Variants in CSE1L observed in about 807,000 individuals in gnomAD.
The protein encoded by CSE1L is exportin-2.
A neutral mutation model predicts 120.4 loss-of-function variants in CSE1L; 24 were observed. The observed-to-expected ratio is 0.20, with a 90% CI of 0.14 to 0.28. CSE1L has a LOEUF of 0.28. Ranked by LOEUF, CSE1L falls within the 10% of genes least tolerant of loss-of-function variation. CSE1L has a pLI of 1.00. For missense variants in CSE1L, 830 were observed against 1,145.2 expected (o/e 0.72, Z 3.97); for synonymous variants, 402 against 398.3 (o/e 1.01, Z -0.11).
At position 49,063,214 on chromosome 20, in the gene CSE1L, T is replaced by A; in HGVS notation, c.98T>A (p.Leu33His). Reference sequence around the variant, plus strand: ...AATTCTTTTACAGCTGAGAAATTTCTTGAATCTGTTGAAGGAAATCAGAAT... The same window carrying A: ...AATTCTTTTACAGCTGAGAAATTTCATGAATCTGTTGAAGGAAATCAGAAT... ...PAIRRPAEKF[L>H]ESVEGNQNYP... Residue 33 changes from leucine (L) to histidine (H), a missense_variant, in exon 3 of 25, where the codon CTT becomes CAT. By Grantham distance (99) the Leu-to-His change is moderately conservative. This residue lies in a region of CSE1L where 543 missense variants were observed against 640.2 expected (regional missense o/e 0.85). Transcript: ENST00000262982. The A allele has an allele frequency of 6.3e-7, 1 of 1,577,182 alleles. No individual in the cohort carries two copies. The highest frequency in any genetic ancestry group is 8.6e-7 in the Non-Finnish European group (1 of 1,168,356).
At chr20:49,095,897 A>T (rs561300899) in intron 24 of CSE1L, among the ~76,000 whole-genome samples, 1 of 152,182 alleles carries the variant, frequency 6.6e-6, no homozygotes, top group Non-Finnish European at 1.5e-5. Context: ...GTGTATATAT[A>T]TGTATATATA....
chr20:49,075,933 G>A (rs1026358348), intron 12 of CSE1L, among the ~76,000 whole-genome samples: 2 of 152,060 alleles, frequency 1.3e-5, no homozygotes, highest in African/African-American at 4.8e-5. Flanking sequence ...CCGAGTTCGA[G>A]CGACTCTCCT....
rs1256347776 is a variant in CSE1L at position 49,089,608 on chromosome 20, C to A, written c.2043C>A (p.Ser681=). 38 of 1,613,984 alleles carry A rather than the reference C, an allele frequency of 2.4e-5. No homozygotes were observed. The highest frequency in any genetic ancestry group is 3.2e-5 in the Non-Finnish European group (38 of 1,180,014). ...CACACAAAAATGACATCCCGTCTTC[C>A]TATATGGCCTTATTTCCTCATCTCC... ...LETHKNDIPS[S]YMALFPHLLQ... The change falls in exon 19 of 25, where the codon TCC becomes TCA. Residue 681 remains serine, a synonymous_variant. Transcript: ENST00000262982.
At chr20:49,087,791 A>G (rs758718552) in intron 16 of CSE1L, among the ~76,000 whole-genome samples, 71 of 152,104 alleles carry the variant, frequency 4.7e-4, no homozygotes, top group Non-Finnish European at 9.0e-4. Flanking sequence ...CCTTCTAGAA[A>G]TACTCAGTAT....
intron 24 of CSE1L, among the ~76,000 whole-genome samples, chr20:49,095,644 T>A (rs1439951512): frequency 6.6e-6 from 1 of 151,980 alleles, no homozygotes; most frequent in African/African-American, 2.4e-5. Flanking sequence ...ACTCAGAAAT[T>A]AATAGATCAT....
In CSE1L at chr20:49,056,003, AT is replaced by A. The variant is rs570188552; in HGVS notation, c.-11-2447del. Among the ~76,000 whole-genome samples the A allele has an allele frequency of 2.0e-3, 303 of 151,846 alleles. 1 individual carries two copies. The highest frequency in any genetic ancestry group is 7.0e-3 in the African/African-American group (288 of 41,438). ...TCTTTTTCATAGAAGCCTCTGGTTA[AT>A]TTGGTGCATGATTTCCCTGAAAGGG... On this transcript the variant is annotated intron_variant, in intron 1 of 24. Coordinates refer to ENST00000262982, the MANE Select transcript of CSE1L (RefSeq NM_001316.4).
chr20:49,066,570 A>T, intron 5 of CSE1L, 60 bp downstream of exon 5: 1 of 1,462,604 alleles, frequency 6.8e-7, no homozygotes, highest in Non-Finnish European at 9.3e-7. Flanking sequence ...TGCTTGTGTA[A>T]ACAGTTGTGT....
Position 49,096,373 on chromosome 20 carries a change from C to T in CSE1L, c.2851C>T (p.Leu951=). 1 of 1,614,086 alleles carries T rather than the reference C, an allele frequency of 6.2e-7. No individual in the cohort carries two copies. The highest frequency in any genetic ancestry group is 1.7e-5 in the Admixed American group (1 of 60,022). The change falls in exon 25 of 25, where the codon CTG becomes TTG. Residue 951 remains leucine (L), a synonymous_variant. Transcript: ENST00000262982. ...GRVPSMVSTS[L]NAEALQYLQG... is the part of the protein sequence containing the mutation. ...GGTTCCATCAATGGTGAGCACCAGC[C>T]TGAATGCAGAAGCGCTCCAGTATCT...
At chr20:49,059,893 T>C (rs2091838628) in intron 2 of CSE1L, among the ~76,000 whole-genome samples, 1 of 149,910 alleles carries the variant, frequency 6.7e-6, no homozygotes, top group South Asian at 2.1e-4. Context: ...AAAAAAAATA[T>C]TTTGAAACAC....
chr20:49,067,843 C>G (rs1016384563), intron 6 of CSE1L, among the ~76,000 whole-genome samples: 4 of 151,382 alleles, frequency 2.6e-5, no homozygotes, highest in Admixed American at 1.3e-4. Flanking sequence ...TCAGGTGATT[C>G]TCCCACCTCA....
At chr20:49,072,529 TG>T in intron 9 of CSE1L, 38 bp from the exon 10 acceptor site, 1 of 1,603,384 alleles carries the variant, frequency 6.2e-7, no homozygotes, top group South Asian at 1.1e-5. Flanking sequence ...TGTTGAGTTT[TG>T]CTTTTAAAAA....
chr20:49,075,591 A>C (rs2123717422), intron 12 of CSE1L, 71 bp downstream of exon 12: 2 of 1,184,438 alleles, frequency 1.7e-6, no homozygotes, highest in Non-Finnish European at 1.2e-6. Context: ...AAAAAGAAAT[A>C]ACGTCTCTGA....
intron 8 of CSE1L, among the ~76,000 whole-genome samples, chr20:49,070,890 T>C (rs1861450610): frequency 6.6e-6 from 1 of 152,222 alleles, no homozygotes; most frequent in Non-Finnish European, 1.5e-5. Flanking sequence ...TGCAATGAGC[T>C]GTGACCATGC....
intron 11 of CSE1L, 143 bp downstream of exon 11, chr20:49,074,993 A>G (rs2091959463): frequency 4.8e-6 from 3 of 626,770 alleles, no homozygotes; most frequent in South Asian, 2.3e-5. Context: ...TCTTTCTTCA[A>G]CTTGTCTTAA....
intron 21 of CSE1L, among the ~76,000 whole-genome samples, chr20:49,091,503 G>A (rs1201609527): frequency 2.0e-5 from 3 of 151,940 alleles, no homozygotes; most frequent in Non-Finnish European, 1.5e-5. Flanking sequence ...GGAGGTGAAA[G>A]TGGGAGTATT....
At chr20:49,094,395 C>T in intron 23 of CSE1L, 109 bp downstream of exon 23, 2 of 1,027,194 alleles carry the variant, frequency 1.9e-6, no homozygotes, top group East Asian at 2.4e-5. Flanking sequence ...GGTCTGATCT[C>T]AGCTTCTCCA....
Position 49,084,086 on chromosome 20 carries a change from A to C in CSE1L, c.1543A>C (p.Ser515Arg). Residue 515 changes from serine to arginine, a missense_variant, in exon 15 of 25, where the codon AGT (serine) becomes CGT (arginine). Transcript: ENST00000262982. Reference protein sequence around the residue: ...PLLINHLQAESIVVHTYAAHA... With the variant: ...PLLINHLQAERIVVHTYAAHA... The stretch of plus-strand genomic sequence containing the variant: ...CTTGATTAATCATCTTCAAGCTGAA[A>C]GTATTGTTGTTCATACTTACGCAGC... 6.2e-7 allele frequency: 1 copy of C among 1,614,082 alleles called. No individual in the cohort carries two copies. The highest frequency in any genetic ancestry group is 8.5e-7 in the Non-Finnish European group (1 of 1,179,966).
chr20:49,075,590 T>G, intron 12 of CSE1L, 70 bp downstream of exon 12: 1 of 1,211,522 alleles, frequency 8.3e-7, no homozygotes. Flanking sequence ...CAAAAAGAAA[T>G]AACGTCTCTG....
chr20:49,050,728 T>A (rs1005724210), intron 1 of CSE1L, among the ~76,000 whole-genome samples: 2 of 151,910 alleles, frequency 1.3e-5, no homozygotes, highest in African/African-American at 4.8e-5. Flanking sequence ...AGCTAATTTT[T>A]AAAATTTTTT....
Sources: allele counts gnomAD v4.1 joint callset (sites outside exome capture counted in the v4.1 genomes callset), GRCh38; gene constraint gnomAD v4.1.1; regional missense constraint gnomAD v4.1.1; transcripts MANE v1.5; gene names NCBI Gene and HGNC (gene_info 2026-07-23, HGNC 2026-07-21).